Variants in FCHSD2 observed in about 807,000 individuals in gnomAD.
The protein encoded by FCHSD2 is F-BAR and double SH3 domains protein 2.
FCHSD2 carries 38 observed loss-of-function variants against 108.1 expected under a neutral mutation model. The observed-to-expected ratio is 0.35, with a 90% CI of 0.27 to 0.46. The LOEUF is 0.46. Among genes scored for constraint, FCHSD2 ranks in the 20% least tolerant of loss-of-function variants. The pLI is 1.00. For missense variants in FCHSD2, 751 were observed against 897.8 expected (o/e 0.84, Z 2.09); for synonymous variants, 279 against 314.7 (o/e 0.89, Z 1.20).
chr11:73,021,172 T>C (rs752175325), intron 3 of FCHSD2, among the ~76,000 whole-genome samples: 1 of 151,890 alleles, frequency 6.6e-6, no homozygotes, highest in African/African-American at 2.4e-5. Context: ...CCACTGTGTC[T>C]GGCCTATCTA....
At chr11:72,985,022 G>A in intron 7 of FCHSD2, 40 bp downstream of exon 7, 1 of 808,252 alleles carries the variant, frequency 1.2e-6, no homozygotes, top group African/African-American at 1.7e-5. Flanking sequence ...TACAAGCTAA[G>A]AGGTTTCTCA....
chr11:73,107,983 G>A (rs958918516), intron 2 of FCHSD2, among the ~76,000 whole-genome samples: 2 of 152,166 alleles, frequency 1.3e-5, no homozygotes, highest in East Asian at 3.8e-4. Flanking sequence ...TTTTCTGAGT[G>A]AACTCCAAAT....
At position 72,890,059 on chromosome 11, in the gene FCHSD2, C is replaced by T. The variant is rs920948230; in HGVS notation, c.925-114G>A. 4.8e-5 allele frequency: 30 copies of T among 631,290 alleles called. 1 individual carries two copies. The highest frequency in any genetic ancestry group is 8.1e-5 in the Admixed American group (3 of 37,064). 39.1% of individuals were successfully genotyped at this position (631,290 alleles called of 1,614,324 possible). On this transcript the variant is annotated intron_variant, in intron 10 of 19. Coordinates refer to ENST00000409418, the MANE Select transcript of FCHSD2 (RefSeq NM_014824.3). ...TAATCAGCACTCAAAACATGAGGCACGCTCCACTACTGCTGGAAGCAATGT... is the reference window on the plus strand; with the variant it reads ...TAATCAGCACTCAAAACATGAGGCATGCTCCACTACTGCTGGAAGCAATGT...
intron 3 of FCHSD2, among the ~76,000 whole-genome samples, chr11:73,080,068 A>G (rs996042798): frequency 5.3e-5 from 8 of 152,038 alleles, no homozygotes; most frequent in Non-Finnish European, 1.0e-4. Context: ...AGAGGCTGAG[A>G]CAGGAGAATT....
intron 3 of FCHSD2, among the ~76,000 whole-genome samples, chr11:73,056,350 G>A (rs1001535736): frequency 1.2e-4 from 18 of 152,088 alleles, no homozygotes; most frequent in African/African-American, 3.9e-4. Flanking sequence ...TGATGTACAG[G>A]AGTTATTTTT....
chr11:73,055,364 TAAAG>T (rs1859001670), intron 3 of FCHSD2, among the ~76,000 whole-genome samples: 1 of 150,202 alleles, frequency 6.7e-6, no homozygotes, highest in African/African-American at 2.5e-5. Context: ...AAAATTCTGA[TAAAG>T]AAACACTGAA....
intron 13 of FCHSD2, among the ~76,000 whole-genome samples, chr11:72,854,434 T>C (rs189990903): frequency 1.5e-4 from 23 of 152,336 alleles, no homozygotes; most frequent in Admixed American, 1.3e-3. Flanking sequence ...TGTCTACCTA[T>C]CTGTCTATCT....
intron 8 of FCHSD2, chr11:72,983,707 T>C: frequency 2.8e-6 from 1 of 352,636 alleles, no homozygotes; most frequent in Non-Finnish European, 5.5e-6. Context: ...AGATTCTGCC[T>C]AGCTTCAATA....
At chr11:73,041,223 T>C (rs1457732200) in intron 3 of FCHSD2, among the ~76,000 whole-genome samples, 1 of 152,194 alleles carries the variant, frequency 6.6e-6, no homozygotes, top group African/African-American at 2.4e-5. Context: ...TATACTGATT[T>C]CCTTTCTTTG....
Position 72,921,894 on chromosome 11 carries a change from C to A in FCHSD2, c.762G>T (p.Arg254=). ...CAGCTTGGCATGTTTCTAGCTCAGT[C>A]CGGCTGAAGGCTATTAAATAATCCT... The part of the protein sequence containing the change: ...HLKDYLIAFS[R]TELETCQAVQ... The change falls in exon 9 of 20, where the codon CGG becomes CGT. Residue 254 remains arginine, a synonymous_variant. Coordinates refer to ENST00000409418, the MANE Select transcript of FCHSD2 (RefSeq NM_014824.3). 7 of 1,605,434 alleles carry A rather than the reference C, an allele frequency of 4.4e-6. No homozygotes were observed. Among genetic ancestry groups the A allele is most frequent in the Non-Finnish European group, 6.0e-6 (7 of 1,174,812 alleles).
chr11:73,134,598 C>T (rs563086769), intron 2 of FCHSD2, among the ~76,000 whole-genome samples: 1 of 152,320 alleles, frequency 6.6e-6, no homozygotes, highest in South Asian at 2.1e-4. Flanking sequence ...CTCTAGACCA[C>T]CAGGTGTCTG....
At chr11:72,961,076 T>C (rs1188330276) in intron 8 of FCHSD2, among the ~76,000 whole-genome samples, 1 of 152,196 alleles carries the variant, frequency 6.6e-6, no homozygotes, top group Non-Finnish European at 1.5e-5. Context: ...ACCTAATGCT[T>C]TCCATCGCCA....
intron 10 of FCHSD2, among the ~76,000 whole-genome samples, chr11:72,902,085 G>C (rs1175296769): frequency 6.6e-6 from 1 of 152,036 alleles, no homozygotes; most frequent in African/African-American, 2.4e-5. Context: ...ATGTTGGCCA[G>C]GCTGGTCTTG....
At chr11:72,846,232 G>A (rs996113163) in intron 14 of FCHSD2, among the ~76,000 whole-genome samples, 3 of 149,940 alleles carry the variant, frequency 2.0e-5, no homozygotes, top group African/African-American at 7.4e-5. Context: ...CCAGGCTGGA[G>A]TGCAGTGGTG....
At chr11:72,942,618 CT>C in intron 8 of FCHSD2, among the ~76,000 whole-genome samples, 1 of 152,194 alleles carries the variant, frequency 6.6e-6, no homozygotes. Flanking sequence ...GTTTTCTGTA[CT>C]TTTCAAATTT....
intron 2 of FCHSD2, among the ~76,000 whole-genome samples, chr11:73,123,369 T>C (rs902662255): frequency 9.2e-5 from 14 of 152,328 alleles, no homozygotes; most frequent in Middle Eastern, 6.8e-3. Flanking sequence ...TATCAAACAA[T>C]GCATATTAAA....
chr11:72,854,126 G>C (rs1221752006), intron 13 of FCHSD2, among the ~76,000 whole-genome samples: 1 of 152,178 alleles, frequency 6.6e-6, no homozygotes, highest in Non-Finnish European at 1.5e-5. Flanking sequence ...TACACTGCTG[G>C]TAGGAATGTA....
In FCHSD2 at chr11:73,079,538, C is replaced by T. The variant is rs1183842490; in HGVS notation, c.165+4157G>A. Among the ~76,000 whole-genome samples, 4 of 152,172 alleles carry T rather than the reference C, an allele frequency of 2.6e-5. 1 individual carries two copies. The highest frequency in any genetic ancestry group is 9.6e-5 in the African/African-American group (4 of 41,510). Reference sequence around the variant, plus strand: ...TAAATAATGCAACTGTCCTCTCTGACCACATCCTGTCCCCATACAGGAAAT... The same window carrying T: ...TAAATAATGCAACTGTCCTCTCTGATCACATCCTGTCCCCATACAGGAAAT... On this transcript the variant is annotated intron_variant, in intron 3 of 19. Coordinates refer to ENST00000409418, the MANE Select transcript of FCHSD2 (RefSeq NM_014824.3).
chr11:72,932,868 A>T (rs535880493), intron 8 of FCHSD2, among the ~76,000 whole-genome samples: 48 of 152,342 alleles, frequency 3.2e-4, no homozygotes, highest in African/African-American at 1.2e-3. Flanking sequence ...TAATAACACC[A>T]ATCAGAATTC....
Sources: gnomAD v4.1 joint callset for allele counts (sites outside exome capture counted in the v4.1 genomes callset) on GRCh38, gnomAD v4.1.1 for gene constraint, MANE v1.5 for transcripts, NCBI Gene and HGNC (gene_info 2026-07-23, HGNC 2026-07-21) for gene names.